The following AGBL3 variants were observed in gnomAD, a reference collection of about 807,000 sequenced individuals.
AGBL3 encodes the protein cytosolic carboxypeptidase 3.
A neutral mutation model predicts 94.5 loss-of-function variants in AGBL3; 68 were observed. The ratio of observed to expected loss-of-function variants is 0.72; its 90% CI spans 0.59 to 0.88. AGBL3 has a LOEUF of 0.88. Ranked by LOEUF, AGBL3 falls within the 40% of genes least tolerant of loss-of-function variation. The probability of loss-of-function intolerance (pLI) is 0.00; values close to 1 mark genes in which losing one functional copy is unlikely to be tolerated. For synonymous variants in AGBL3, 354 were observed against 370.7 expected (o/e 0.95, Z 0.52); for missense variants, 934 against 1,103.8 (o/e 0.85, Z 2.18).
chr7:135,015,251 G>T (rs925868634), intron 4 of AGBL3, among the ~76,000 whole-genome samples: 2 of 152,150 alleles, frequency 1.3e-5, no homozygotes, highest in African/African-American at 4.8e-5. Flanking sequence ...ACGCTTGCTC[G>T]AGAGTAGCTT....
chr7:135,032,310 T>G (rs889985187), intron 5 of AGBL3, among the ~76,000 whole-genome samples: 1 of 151,970 alleles, frequency 6.6e-6, no homozygotes, highest in Non-Finnish European at 1.5e-5. Flanking sequence ...TTTTGTTTTT[T>G]TGTTCTTTTT....
chr7:135,083,973 G>A (rs1300574120), intron 15 of AGBL3, among the ~76,000 whole-genome samples: 1 of 152,148 alleles, frequency 6.6e-6, no homozygotes, highest in African/African-American at 2.4e-5. Context: ...ACCACTATGG[G>A]GGCCACAGTG....
chr7:135,128,754 C>G, intron 16 of AGBL3: 1 of 1,356,102 alleles, frequency 7.4e-7, no homozygotes. Context: ...AAGCCTCTCC[C>G]AACACAGAGC....
In AGBL3 at chr7:134,987,984, T is replaced by C. The variant is rs528502518; in HGVS notation, c.51T>C (p.Asp17=). 2.6e-6 allele frequency: 4 copies of C among 1,544,344 alleles called. No homozygotes were observed. In the Admixed American group the frequency reaches 6.0e-5, roughly 23 times the overall value. The part of the protein sequence containing the change: ...KEDYSDRTIS[D]EDESDEDMFM... ...ACTATTCAGACAGAACAATCAGTGA[T>C]GAAGATGAATCGGTATGTTTTTCTC... The change falls in exon 2 of 17, where the codon GAT becomes GAC. Residue 17 remains aspartate (D), a synonymous_variant. Transcript: ENST00000436302.
chr7:135,037,441 T>C lies in AGBL3; in HGVS notation c.1361T>C (p.Ile454Thr). The change falls in exon 8 of 17, where the codon ATT (isoleucine) becomes ACT (threonine). Residue 454 changes from isoleucine (I) to threonine (T), a missense_variant. Transcript: ENST00000436302. ...VHRLMEKREV[I>T]LYCDLHGHSR... ...AGACTGATGGAGAAACGAGAGGTTA[T>C]TTTATACTGTGATCTTCATGGCCAT... is the stretch of plus-strand genomic sequence containing the variant. 1 of 1,546,142 alleles carries C rather than the reference T, an allele frequency of 6.5e-7. No individual in the cohort carries two copies. The highest frequency in any genetic ancestry group is 8.7e-7 in the Non-Finnish European group (1 of 1,144,812).
At chr7:135,066,870 G>A (rs1390933428) in intron 12 of AGBL3, among the ~76,000 whole-genome samples, 1 of 152,206 alleles carries the variant, frequency 6.6e-6, no homozygotes, top group Non-Finnish European at 1.5e-5. Flanking sequence ...CATCTCAATG[G>A]GGATGTCGGA....
chr7:135,005,242 G>T, intron 4 of AGBL3, among the ~76,000 whole-genome samples: 1 of 151,358 alleles, frequency 6.6e-6, no homozygotes, highest in Non-Finnish European at 1.5e-5. Context: ...TTAGTTTTGA[G>T]GTACATTTTA....
chr7:135,115,006 C>T (rs1046416547), intron 15 of AGBL3, among the ~76,000 whole-genome samples: 1 of 152,184 alleles, frequency 6.6e-6, no homozygotes, highest in East Asian at 1.9e-4. Context: ...TTCTTGAACA[C>T]ACTACTATTC....
chr7:135,095,167 C>T (rs1822473847), intron 15 of AGBL3, among the ~76,000 whole-genome samples: 1 of 152,144 alleles, frequency 6.6e-6, no homozygotes, highest in South Asian at 2.1e-4. Flanking sequence ...CTCTAGTCTT[C>T]CTGTCTCACT....
chr7:135,007,253 T>A (rs1214874426), intron 4 of AGBL3, among the ~76,000 whole-genome samples: 1 of 151,830 alleles, frequency 6.6e-6, no homozygotes. Context: ...AACTACAGGC[T>A]AATATATATT....
chr7:135,129,044 G>A (rs1828352364), intron 16 of AGBL3: 5 of 1,608,738 alleles, frequency 3.1e-6, no homozygotes, highest in Non-Finnish European at 2.6e-6. Flanking sequence ...GAGATGGCCA[G>A]GTTCAATGCC....
Position 135,023,556 on chromosome 7 carries a change from C to T in AGBL3, c.418+6397C>T, listed in dbSNP as rs574521989. Among the ~76,000 whole-genome samples, 46 of 152,244 alleles carry T rather than the reference C, an allele frequency of 3.0e-4. No homozygotes were observed. The South Asian group carries it at 5.6e-3, about 19-fold the overall frequency. On this transcript the variant is annotated intron_variant, in intron 5 of 16. Transcript: ENST00000436302. ...AGAGAGTAGGCAGAGACAGAGCTTT[C>T]GCCTGCATGGAGCCCAGGGGATTTT...
intron 15 of AGBL3, among the ~76,000 whole-genome samples, chr7:135,109,907 C>T (rs1445586909): frequency 6.6e-6 from 1 of 152,198 alleles, no homozygotes. Context: ...ACCAGGGAGG[C>T]TCTGAACCAC....
chr7:135,093,212 G>C (rs920211708), intron 15 of AGBL3: 2 of 151,196 alleles, frequency 1.3e-5, no homozygotes, highest in Non-Finnish European at 2.9e-5. Context: ...AAAAAAAAAG[G>C]CATCCAAATT....
intron 11 of AGBL3, among the ~76,000 whole-genome samples, chr7:135,053,782 G>A (rs748482656): frequency 3.3e-5 from 5 of 152,166 alleles, no homozygotes; most frequent in East Asian, 3.9e-4. Flanking sequence ...TTAACAATTC[G>A]TCTTAAGAAA....
intron 9 of AGBL3, among the ~76,000 whole-genome samples, chr7:135,044,428 G>T (rs1462284635): frequency 6.6e-6 from 1 of 152,002 alleles, no homozygotes; most frequent in Non-Finnish European, 1.5e-5. Context: ...TTTTTAAGGG[G>T]ATATCTACAG....
At chr7:135,005,321 G>T (rs1812251845) in intron 4 of AGBL3, among the ~76,000 whole-genome samples, 1 of 151,636 alleles carries the variant, frequency 6.6e-6, no homozygotes, top group Admixed American at 6.6e-5. Context: ...GCATACATTT[G>T]TGTAATCTAA....
At chr7:134,991,989 T>C (rs1017394606) in intron 3 of AGBL3, among the ~76,000 whole-genome samples, 1 of 152,244 alleles carries the variant, frequency 6.6e-6, no homozygotes, top group Non-Finnish European at 1.5e-5. Flanking sequence ...CTTGTTTACT[T>C]TTCAAATTCT....
At chr7:135,112,355 ATC>A (rs1825767186) in intron 15 of AGBL3, among the ~76,000 whole-genome samples, 2 of 152,194 alleles carry the variant, frequency 1.3e-5, no homozygotes, top group Non-Finnish European at 2.9e-5. Flanking sequence ...TTTATTTAGC[ATC>A]TGTCAGTCAT....
Sources: allele counts gnomAD v4.1 joint callset (sites outside exome capture counted in the v4.1 genomes callset), GRCh38; gene constraint gnomAD v4.1.1; transcripts MANE v1.5; gene names NCBI Gene and HGNC (gene_info 2026-07-23, HGNC 2026-07-21).